Variants in STXBP6 observed in about 807,000 individuals in gnomAD.
STXBP6 encodes syntaxin binding protein 6, also known as syntaxin-binding protein 6.
STXBP6 carries 21 observed loss-of-function variants against 26.9 expected under a neutral mutation model. That is an observed-to-expected ratio of 0.78 (90% confidence interval 0.55 to 1.12). STXBP6 has a LOEUF of 1.12. STXBP6 is among the 50% of genes most tolerant of loss of function. The pLI is 0.00. For synonymous variants in STXBP6, 97 were observed against 92.6 expected (o/e 1.05, Z -0.27); for missense variants, 232 against 257.9 (o/e 0.90, Z 0.69).
intron 2 of STXBP6, among the ~76,000 whole-genome samples, chr14:24,889,147 T>C (rs887647329): frequency 1.3e-5 from 2 of 151,902 alleles, no homozygotes; most frequent in African/African-American, 4.8e-5. Flanking sequence ...TCAGGGTTTC[T>C]AATTGACTTT....
At chr14:24,938,705 G>A (rs1328370818) in intron 2 of STXBP6, among the ~76,000 whole-genome samples, 1 of 152,016 alleles carries the variant, frequency 6.6e-6, no homozygotes, top group Non-Finnish European at 1.5e-5. Flanking sequence ...GTTTTTAATG[G>A]AGGCAAGTTG....
intron 2 of STXBP6, among the ~76,000 whole-genome samples, chr14:24,973,981 T>C (rs2073975849): frequency 6.6e-6 from 1 of 152,150 alleles, no homozygotes; most frequent in Admixed American, 6.5e-5. Flanking sequence ...AAATGCTCCA[T>C]GTGTTTAGAT....
intron 4 of STXBP6, among the ~76,000 whole-genome samples, chr14:24,848,018 T>TC (rs2069023056): frequency 6.6e-6 from 1 of 152,036 alleles, no homozygotes; most frequent in Non-Finnish European, 1.5e-5. Context: ...GAAATTCTTT[T>TC]CCCCCCAATT....
intron 4 of STXBP6, among the ~76,000 whole-genome samples, chr14:24,846,252 G>C (rs2068957817): frequency 6.6e-6 from 1 of 152,116 alleles, no homozygotes; most frequent in African/African-American, 2.4e-5. Context: ...TGAAATTCTA[G>C]TATTTCCTAC....
intron 2 of STXBP6, among the ~76,000 whole-genome samples, chr14:24,873,162 C>T (rs566921847): frequency 5.8e-4 from 88 of 152,276 alleles, no homozygotes; most frequent in African/African-American, 2.1e-3. Context: ...ATTCAGAACG[C>T]ATAAGCCTCC....
In STXBP6 at chr14:25,049,400, C is replaced by T; in HGVS notation, c.-33+478G>A. ...CTCAGTTTTGGCAGTAATGATTTTC[C>T]TAGAAGATGCCAGAGTTCGCGAAGA... On this transcript the variant is annotated intron_variant, in intron 1 of 5. Transcript: ENST00000323944. This position sits in a 1 kb window ranked among gnomAD's most constrained non-coding sequence, Gnocchi z 5.6. The T allele has an allele frequency of 1.0e-6, 1 of 985,420 alleles. No homozygotes were observed. Among genetic ancestry groups the T allele is most frequent in the Non-Finnish European group, 1.2e-6 (1 of 829,938 alleles). 61.0% of individuals were successfully genotyped at this position (985,420 alleles called of 1,614,324 possible). A position where few individuals can be genotyped will look rare whatever the true frequency, so the allele number is the denominator to read the frequency against.
chr14:24,923,288 T>G (rs2072046073), intron 2 of STXBP6, among the ~76,000 whole-genome samples: 1 of 152,208 alleles, frequency 6.6e-6, no homozygotes, highest in Non-Finnish European at 1.5e-5. Context: ...TTCATTAAGT[T>G]TGTGGGGTTT....
At chr14:24,947,429 C>T (rs2073028802) in intron 2 of STXBP6, among the ~76,000 whole-genome samples, 1 of 152,186 alleles carries the variant, frequency 6.6e-6, no homozygotes, top group Non-Finnish European at 1.5e-5. Context: ...ACAATTTCAA[C>T]AGAATGCCAG....
chr14:25,028,726 T>C (rs757170949), intron 1 of STXBP6, among the ~76,000 whole-genome samples: 2 of 152,264 alleles, frequency 1.3e-5, no homozygotes, highest in African/African-American at 4.8e-5. Context: ...ATTCCTCCGA[T>C]GTATCTGGTC....
chr14:24,955,927 C>T (rs910074327), intron 2 of STXBP6, among the ~76,000 whole-genome samples: 2 of 152,102 alleles, frequency 1.3e-5, no homozygotes, highest in African/African-American at 4.8e-5. Flanking sequence ...GAAACCAAGG[C>T]GGCACAGAGA....
chr14:24,818,894 G>T, intron 5 of STXBP6, 143 bp downstream of exon 5: 1 of 1,130,922 alleles, frequency 8.8e-7, no homozygotes. Context: ...CAGGTGTTTA[G>T]TAAGTAGCAG....
intron 2 of STXBP6, among the ~76,000 whole-genome samples, chr14:24,870,525 C>T (rs955971134): frequency 6.6e-6 from 1 of 152,136 alleles, no homozygotes; most frequent in Admixed American, 6.5e-5. Flanking sequence ...TACCTTTGGG[C>T]ATGTTACCTT....
rs143153468 is a variant in STXBP6 at position 24,855,070 on chromosome 14, T to C, written c.451+866A>G. Among the ~76,000 whole-genome samples, 702 of 152,144 alleles carry C rather than the reference T, an allele frequency of 4.6e-3. 4 individuals are homozygous for C. The highest frequency in any genetic ancestry group is 0.016 in the African/African-American group (678 of 41,544). On this transcript the variant is annotated intron_variant, in intron 4 of 5. Coordinates refer to ENST00000323944, the MANE Select transcript of STXBP6 (RefSeq NM_001394410.1). ...TCTCTATACAACTTCTAGTAACTAA[T>C]GGCAAAATGACAGTATGTGTGTCAG...
intron 1 of STXBP6, among the ~76,000 whole-genome samples, chr14:25,035,802 A>C (rs1222425054): frequency 1.3e-5 from 2 of 152,206 alleles, no homozygotes; most frequent in Non-Finnish European, 2.9e-5. Context: ...TCTGCAGTAA[A>C]AACCAAGACT....
intron 2 of STXBP6, among the ~76,000 whole-genome samples, chr14:24,942,390 C>T (rs775609757): frequency 3.3e-5 from 5 of 152,150 alleles, no homozygotes; most frequent in Non-Finnish European, 7.3e-5. Flanking sequence ...ACACTGAGCC[C>T]AGCAGACTAC....
At position 25,049,777 on chromosome 14, in the gene STXBP6, G is replaced by C; in HGVS notation, c.-33+101C>G. ...CCCTGGCCTCACAGCCACCCGCCTC[G>C]GACGGAGCGCCAGGCGCCCCAACAG... is the stretch of plus-strand genomic sequence containing the variant. On this transcript the variant is annotated intron_variant, in intron 1 of 5. Coordinates refer to ENST00000323944, the MANE Select transcript of STXBP6 (RefSeq NM_001394410.1). The surrounding 1 kb of genome is among the most constrained non-coding windows in gnomAD (Gnocchi z 5.6). 1.0e-6 allele frequency: 1 copy of C among 985,560 alleles called. No homozygotes were observed. Among genetic ancestry groups the C allele is most frequent in the Non-Finnish European group, 1.2e-6 (1 of 830,088 alleles). 61.1% of individuals were successfully genotyped at this position (985,560 alleles called of 1,614,324 possible).
intron 2 of STXBP6, among the ~76,000 whole-genome samples, chr14:24,921,437 C>G (rs2071974341): frequency 6.6e-6 from 1 of 152,212 alleles, no homozygotes; most frequent in East Asian, 1.9e-4. Context: ...TATCTGCAAA[C>G]ACACATACCA....
intron 1 of STXBP6, among the ~76,000 whole-genome samples, chr14:25,031,266 G>A (rs546590741): frequency 3.3e-5 from 5 of 152,238 alleles, no homozygotes; most frequent in East Asian, 3.9e-4. Flanking sequence ...AATATGAAAC[G>A]TCTTAGAAAT....
chr14:24,857,244 T>G (rs1328584945), intron 2 of STXBP6, 87 bp from the exon 3 acceptor site: 5 of 1,550,778 alleles, frequency 3.2e-6, no homozygotes, highest in African/African-American at 1.4e-5. Context: ...GGACACCTAC[T>G]GTGTATATGC....
Sources: allele counts gnomAD v4.1 joint callset (sites outside exome capture counted in the v4.1 genomes callset), GRCh38; gene constraint gnomAD v4.1.1; non-coding constraint Gnocchi (gnomAD v3.1); transcripts MANE v1.5; gene names NCBI Gene and HGNC (gene_info 2026-07-23, HGNC 2026-07-21).